The following TMEM120B variants were observed in gnomAD, a reference collection of about 807,000 sequenced individuals.
TMEM120B encodes transmembrane protein 120B.
In TMEM120B, 31 loss-of-function variants were observed where a neutral mutation model predicts 55.5. That is an observed-to-expected ratio of 0.56 (90% CI 0.42 to 0.75). The LOEUF is 0.75. Among genes scored for constraint, TMEM120B ranks in the 30% least tolerant of loss-of-function variants. The pLI is 0.00. For missense variants in TMEM120B, 399 were observed against 425.5 expected (o/e 0.94, Z 0.55); for synonymous variants, 203 against 176.3 (o/e 1.15, Z -1.20).
intron 1 of TMEM120B, among the ~76,000 whole-genome samples, chr12:121,731,707 A>G (rs1160838259): frequency 1.3e-5 from 2 of 152,224 alleles, no homozygotes; most frequent in Non-Finnish European, 2.9e-5. Context: ...CCTGTTTCTT[A>G]AGCGACACAT....
chr12:121,773,014 C>T (rs886154454), intron 8 of TMEM120B, among the ~76,000 whole-genome samples: 1 of 152,048 alleles, frequency 6.6e-6, no homozygotes, highest in Non-Finnish European at 1.5e-5. Flanking sequence ...ATGTCATTAC[C>T]ACCTCATTTT....
At chr12:121,725,372 G>C (rs529218536) in intron 1 of TMEM120B, among the ~76,000 whole-genome samples, 1 of 152,272 alleles carries the variant, frequency 6.6e-6, no homozygotes, top group South Asian at 2.1e-4. Context: ...GGTCTCCCGT[G>C]TTCTAATCTA....
In TMEM120B at chr12:121,776,934, C is replaced by T. The variant is rs1250942827; in HGVS notation, c.*1212C>T. ...TCTGGAGTAGCTGGGACCACAATCA[C>T]ACACCACCATGCCCTGCTCCTTTTT... On this transcript the variant is annotated 3_prime_UTR_variant, in exon 12 of 12. Coordinates refer to ENST00000449592, the MANE Select transcript of TMEM120B (RefSeq NM_001080825.2). 6.6e-6 allele frequency: 1 copy of T among 151,284 alleles called. No individual in the cohort carries two copies. The highest frequency in any genetic ancestry group is 2.4e-5 in the African/African-American group (1 of 41,054). The allele number at this position is 151,284 out of a possible 1,614,324, so 9.4% of individuals were successfully genotyped here. A position where few individuals can be genotyped will look rare whatever the true frequency, so the allele number is the denominator to read the frequency against.
At chr12:121,726,049 C>CAA (rs774116237) in intron 1 of TMEM120B, among the ~76,000 whole-genome samples, 2 of 82,044 alleles carry the variant, frequency 2.4e-5, no homozygotes, top group Non-Finnish European at 5.5e-5. Flanking sequence ...AAAAAAAAAA[C>CAA]AAAAAAAAAA....
At chr12:121,730,220 C>T (rs1706346278) in intron 1 of TMEM120B, among the ~76,000 whole-genome samples, 1 of 150,434 alleles carries the variant, frequency 6.6e-6, no homozygotes. Flanking sequence ...GATTGGGCCG[C>T]TGCACTCCAG....
chr12:121,719,180 AC>A (rs1244932390), intron 1 of TMEM120B, among the ~76,000 whole-genome samples: 1 of 152,106 alleles, frequency 6.6e-6, no homozygotes, highest in Non-Finnish European at 1.5e-5. Flanking sequence ...CAGTGCCACC[AC>A]ACTACATGAA....
At chr12:121,738,977 A>G (rs1872836316) in intron 1 of TMEM120B, among the ~76,000 whole-genome samples, 1 of 145,690 alleles carries the variant, frequency 6.9e-6, no homozygotes. Context: ...ATTTGAGGTC[A>G]GGAGTTCCAG....
chr12:121,733,850 A>T (rs1013859928), intron 1 of TMEM120B, among the ~76,000 whole-genome samples: 5 of 152,088 alleles, frequency 3.3e-5, no homozygotes, highest in African/African-American at 1.2e-4. Flanking sequence ...ATATATTGTT[A>T]TGTGCGTAGA....
intron 1 of TMEM120B, among the ~76,000 whole-genome samples, chr12:121,723,158 GTTTGTTTGT>G (rs1894829405): frequency 2.0e-5 from 3 of 151,790 alleles, no homozygotes; most frequent in Admixed American, 1.3e-4. Flanking sequence ...TTGTTTGTTT[GTTTGTTTGT>G]TTTGTTTTGT....
intron 1 of TMEM120B, among the ~76,000 whole-genome samples, chr12:121,727,068 G>A (rs904998335): frequency 9.2e-5 from 14 of 151,432 alleles, no homozygotes; most frequent in South Asian, 6.3e-4. Flanking sequence ...TTCATAACCC[G>A]GTCTCAAAAT....
intron 1 of TMEM120B, among the ~76,000 whole-genome samples, chr12:121,714,442 A>C (rs1204934180): frequency 6.7e-6 from 1 of 149,236 alleles, no homozygotes; most frequent in African/African-American, 2.5e-5. Flanking sequence ...GTTTTAGTAG[A>C]GATAGGGTTT....
Position 121,743,680 on chromosome 12 carries a change from A to G in TMEM120B, c.121A>G (p.Thr41Ala), listed in dbSNP as rs376599952. The G allele has an allele frequency of 9.3e-6, 15 of 1,613,568 alleles. No individual in the cohort carries two copies. In the African/African-American group the frequency reaches 1.7e-4, roughly 19 times the overall value. The change falls in exon 2 of 12, where the codon ACG (threonine) becomes GCG (alanine). Residue 41 changes from threonine to alanine, a missense_variant. Physicochemically the swap from Thr to Ala is moderately conservative, Grantham distance 58 (BLOSUM62 0). Around this residue, in one of 3 missense-constraint regions of TMEM120B, gnomAD observed 133 missense variants for 104.1 expected, o/e 1.28. Transcript: ENST00000449592. ...QKLEELAALQ[T>A]LCSSSISKQK... is the part of the protein sequence containing the mutation. ...GCTGGAGGAGCTGGCTGCGCTGCAG[A>G]CGCTGTGTAGCAGTTCCATCAGTAA...
At chr12:121,735,926 G>A (rs1182942746) in intron 1 of TMEM120B, among the ~76,000 whole-genome samples, 4 of 152,024 alleles carry the variant, frequency 2.6e-5, no homozygotes, top group Non-Finnish European at 4.4e-5. Flanking sequence ...CCCTGACCTC[G>A]TGATCCACCC....
At position 121,712,958 on chromosome 12, in the gene TMEM120B, A is replaced by G; in HGVS notation, c.63A>G (p.Glu21=). ...EWHELEGEFQ[E]LQETHRIYKQ... Reference sequence around the variant, plus strand: ...ACGAGCTGGAGGGAGAATTTCAAGAACTGCAGGTAGGGCCAGGCCACCTGG... The same window carrying G: ...ACGAGCTGGAGGGAGAATTTCAAGAGCTGCAGGTAGGGCCAGGCCACCTGG... Residue 21 remains glutamate (E), a synonymous_variant, in exon 1 of 12, where the codon GAA becomes GAG. Transcript: ENST00000449592. 4 of 1,541,500 alleles carry G rather than the reference A, an allele frequency of 2.6e-6. No homozygotes were observed. The highest frequency in any genetic ancestry group is 3.5e-6 in the Non-Finnish European group (4 of 1,150,412).
At chr12:121,726,798 T>C (rs563348273) in intron 1 of TMEM120B, among the ~76,000 whole-genome samples, 37 of 150,098 alleles carry the variant, frequency 2.5e-4, no homozygotes, top group African/African-American at 8.8e-4. Context: ...TCCCAGCTAC[T>C]TGGGAGGCTG....
intron 1 of TMEM120B, among the ~76,000 whole-genome samples, chr12:121,724,107 C>T (rs1482285655): frequency 6.9e-6 from 1 of 144,242 alleles, no homozygotes; most frequent in African/African-American, 2.6e-5. Flanking sequence ...GCACGATCTC[C>T]ACTCACTGCA....
intron 1 of TMEM120B, among the ~76,000 whole-genome samples, chr12:121,739,166 G>A (rs369498507): frequency 2.6e-5 from 4 of 152,102 alleles, no homozygotes; most frequent in Non-Finnish European, 5.9e-5. Context: ...TGGCCTGGGC[G>A]ACAAGAGTCA....
At chr12:121,771,599 CT>C (rs1172439882) in intron 8 of TMEM120B, 50 bp downstream of exon 8, 1 of 1,569,682 alleles carries the variant, frequency 6.4e-7, no homozygotes, top group South Asian at 1.1e-5. Context: ...TTTTCTGAGA[CT>C]TTCACCAAGG....
rs73229921 is a variant in TMEM120B, at chr12:121,717,992, G to C, written c.69+5028G>C. ...TTTAGTAGCAGATTGTGCAGAAAAA[G>C]ACACTGCACAGGGAATCAGTATTCT... On this transcript the variant is annotated intron_variant, in intron 1 of 11. Transcript: ENST00000449592. Among the ~76,000 whole-genome samples the C allele has an allele frequency of 8.6e-3, 1,309 of 152,236 alleles. 12 individuals carry two copies. Among genetic ancestry groups the C allele is most frequent in the Non-Finnish European group, 0.013 (910 of 68,020 alleles).
Sources: gnomAD v4.1 joint callset for allele counts (sites outside exome capture counted in the v4.1 genomes callset) on GRCh38, gnomAD v4.1.1 for gene constraint, gnomAD v4.1.1 regional missense constraint, MANE v1.5 for transcripts, NCBI Gene and HGNC (gene_info 2026-07-23, HGNC 2026-07-21) for gene names.